ZC3H12B: variants seen among roughly 807,000 people sequenced by gnomAD.
ZC3H12B encodes the protein zinc finger CCCH-type containing 12B, also known as probable ribonuclease ZC3H12B.
ZC3H12B carries 7 observed loss-of-function variants against 43.9 expected under a neutral mutation model. The ratio of observed to expected loss-of-function variants is 0.16; its 90% CI spans 0.09 to 0.30. The LOEUF (loss-of-function observed/expected upper bound fraction) is 0.30, where lower values mean the gene tolerates loss of function less well. Among genes scored for constraint, ZC3H12B ranks in the 10% least tolerant of loss-of-function variants. The probability of loss-of-function intolerance (pLI) is 1.00; values close to 1 mark genes in which losing one functional copy is unlikely to be tolerated. For missense variants in ZC3H12B, 475 were observed against 670.2 expected, an observed-to-expected ratio of 0.71 and a Z score of 3.22; for synonymous variants, 222 against 241.7, an observed-to-expected ratio of 0.92 and a Z score of 0.76.
chrX:65,180,200 A>G, the ZC3H12B span, among the ~76,000 whole-genome samples: 31 of 112,261 alleles, frequency 2.8e-4, no homozygotes, highest in South Asian at 0.011. Context: ...CTGGTTCAAC[A>G]TACGCAAATC....
the ZC3H12B span, among the ~76,000 whole-genome samples, chrX:65,340,050 A>G: frequency 2.7e-5 from 3 of 111,286 alleles, no homozygotes; most frequent in Non-Finnish European, 5.7e-5. Context: ...AGCACCCCAA[A>G]CCCCTACCAG....
At chrX:65,437,373 A>G (rs73629441) in intron 3 of ZC3H12B, among the ~76,000 whole-genome samples, 15,915 of 111,542 alleles carry the variant, frequency 0.14, 2,719 homozygotes, top group African/African-American at 0.49. Context: ...TTAAGTTTTA[A>G]TTCCAACAAA....
chrX:65,287,983 T>TATATAC, the ZC3H12B span, among the ~76,000 whole-genome samples: 3 of 102,331 alleles, frequency 2.9e-5, no homozygotes, highest in African/African-American at 7.7e-5. Context: ...ACTGAAATTT[T>TATATAC]ATATACATAT....
the ZC3H12B span, chrX:65,185,647 A>G: frequency 8.9e-6 from 1 of 111,956 alleles, no homozygotes; most frequent in Non-Finnish European, 1.9e-5. Context: ...CTCAAGATCA[A>G]TATGATGCAG....
chrX:65,424,553 C>A (rs756124046), intron 3 of ZC3H12B, among the ~76,000 whole-genome samples: 2 of 112,212 alleles, frequency 1.8e-5, no homozygotes, highest in South Asian at 7.3e-4. Flanking sequence ...TGTCTATATC[C>A]TGAATGGTAT....
chrX:65,373,997 GTA>G (rs1200674718), intron 2 of ZC3H12B, among the ~76,000 whole-genome samples: 8 of 8,169 alleles, frequency 9.8e-4, no homozygotes, highest in South Asian at 0.011. Flanking sequence ...TATATATATA[GTA>G]TATATATATA....
At chrX:65,216,013 C>G in the ZC3H12B span, among the ~76,000 whole-genome samples, 1 of 111,539 alleles carries the variant, frequency 9.0e-6, no homozygotes, top group African/African-American at 3.3e-5. Context: ...TGGTTTGTAG[C>G]ACCCATATAA....
At chrX:65,178,350 T>C in the ZC3H12B span, among the ~76,000 whole-genome samples, 1 of 111,900 alleles carries the variant, frequency 8.9e-6, no homozygotes, top group Admixed American at 9.5e-5. Context: ...GACATACGTA[T>C]GGGCAAAGAC....
At chrX:65,077,647 C>A in the ZC3H12B span, among the ~76,000 whole-genome samples, 1 of 112,306 alleles carries the variant, frequency 8.9e-6, no homozygotes, top group African/African-American at 3.2e-5. Flanking sequence ...GGCTGTAGAA[C>A]AGGAGTTGGG....
chrX:65,310,846 A>G, the ZC3H12B span, among the ~76,000 whole-genome samples: 1 of 111,724 alleles, frequency 9.0e-6, no homozygotes, highest in African/African-American at 3.3e-5. Flanking sequence ...AACACCACAT[A>G]TCTACAACCA....
chrX:65,200,890 G>A, the ZC3H12B span, among the ~76,000 whole-genome samples: 12 of 111,541 alleles, frequency 1.1e-4, no homozygotes, highest in South Asian at 1.5e-3. Context: ...AGGATGAAGC[G>A]GACTTGATCG....
the ZC3H12B span, among the ~76,000 whole-genome samples, chrX:65,085,152 G>T: frequency 9.0e-6 from 1 of 111,141 alleles, no homozygotes; most frequent in East Asian, 2.8e-4. Context: ...ATGAGTGATG[G>T]ATACAAAAAA....
the ZC3H12B span, among the ~76,000 whole-genome samples, chrX:65,243,687 C>T: frequency 2.3e-4 from 26 of 112,274 alleles, no homozygotes; most frequent in Non-Finnish European, 2.1e-4. Context: ...TATTGCAGCA[C>T]TTTTCACAAT....
the ZC3H12B span, among the ~76,000 whole-genome samples, chrX:65,254,493 A>G: frequency 8.9e-6 from 1 of 112,469 alleles, no homozygotes; most frequent in Non-Finnish European, 1.9e-5. Context: ...AGTCGACTGA[A>G]CCCATCTTAT....
the ZC3H12B span, among the ~76,000 whole-genome samples, chrX:65,313,390 A>C: frequency 8.9e-6 from 1 of 112,418 alleles, no homozygotes; most frequent in East Asian, 2.8e-4. Flanking sequence ...ATTCTGGAGA[A>C]GAGAGAGCTG....
intron 2 of ZC3H12B, among the ~76,000 whole-genome samples, chrX:65,384,437 C>A (rs745472527): frequency 1.8e-5 from 2 of 110,981 alleles, no homozygotes; most frequent in East Asian, 5.7e-4. Context: ...GGGTGCAGTG[C>A]ACCAGCATGG....
At chrX:65,431,718 T>C (rs1389667132) in intron 3 of ZC3H12B, among the ~76,000 whole-genome samples, 1 of 112,389 alleles carries the variant, frequency 8.9e-6, no homozygotes, top group East Asian at 2.8e-4. Context: ...CACATTTCTT[T>C]GTCACCAATT....
At chrX:65,152,522 T>C in the ZC3H12B span, among the ~76,000 whole-genome samples, 1 of 110,969 alleles carries the variant, frequency 9.0e-6, no homozygotes, top group African/African-American at 3.3e-5. Flanking sequence ...GAATCCAACT[T>C]ACAAGGGACG....
At chrX:65,220,080 C>T in the ZC3H12B span, among the ~76,000 whole-genome samples, 1 of 111,174 alleles carries the variant, frequency 9.0e-6, no homozygotes, top group South Asian at 3.7e-4. Flanking sequence ...CAATTATTAG[C>T]CAAGAATTTT....
Sources: allele counts gnomAD v4.1 joint callset (sites outside exome capture counted in the v4.1 genomes callset), GRCh38; gene constraint gnomAD v4.1.1; transcripts MANE v1.5; gene names NCBI Gene and HGNC (gene_info 2026-07-23, HGNC 2026-07-21).